CHL1: variants seen among roughly 807,000 people sequenced by gnomAD.
CHL1 encodes the protein cell adhesion molecule L1 like.
In CHL1, 96 loss-of-function variants were observed where a neutral mutation model predicts 141.9. That is an observed-to-expected ratio of 0.68 (90% CI 0.57 to 0.80). The LOEUF is 0.80. Among genes scored for constraint, CHL1 ranks in the 30% least tolerant of loss-of-function variants. The pLI, the probability that CHL1 is intolerant of heterozygous loss-of-function variation, is 0.00. For synonymous variants in CHL1, 613 were observed against 502.2 expected, an observed-to-expected ratio of 1.22 and a Z score of -2.95; for missense variants, 1,820 against 1,457.2, an observed-to-expected ratio of 1.25 and a Z score of -4.05.
Position 331,378 on chromosome 3 carries a change from G to A in CHL1, c.385+3024G>A, listed in dbSNP as rs186933289. On this transcript the variant is annotated intron_variant, in intron 5 of 27. Transcript: ENST00000256509. ...CTTCTGAGTAACTAGGACTACAGGC[G>A]AGTGCTACCGTGCCTGGCCAATTTT... Among the ~76,000 whole-genome samples, 56 of 152,104 alleles carry A rather than the reference G, an allele frequency of 3.7e-4. No homozygotes were observed. The East Asian group carries it at 5.8e-3, about 16-fold the overall frequency.
chr3:271,353 T>A lies in CHL1; in HGVS notation c.-95+26661T>A, dbSNP rs142777394. On this transcript the variant is annotated intron_variant, in intron 2 of 27. Coordinates refer to ENST00000256509, the MANE Select transcript of CHL1 (RefSeq NM_006614.4). Reference sequence around the variant, plus strand: ...ACTCAGGAGGCTGAGGCAGGAGGACTGCTTGAGCCCAGCAGTTGGAGACTG... The same window carrying A: ...ACTCAGGAGGCTGAGGCAGGAGGACAGCTTGAGCCCAGCAGTTGGAGACTG... Among the ~76,000 whole-genome samples the A allele has an allele frequency of 3.1e-3, 470 of 152,330 alleles. 2 individuals are homozygous for A. Among genetic ancestry groups the A allele is most frequent in the African/African-American group, 0.011 (450 of 41,574 alleles).
intron 27 of CHL1, among the ~76,000 whole-genome samples, chr3:404,519 T>C (rs749963329): frequency 2.6e-5 from 4 of 152,186 alleles, no homozygotes; most frequent in Non-Finnish European, 5.9e-5. Context: ...ATTTCACTAA[T>C]GGATTTGCTT....
chr3:382,350 A>G, intron 17 of CHL1, 70 bp downstream of exon 17: 4 of 1,484,708 alleles, frequency 2.7e-6, no homozygotes, highest in Non-Finnish European at 3.7e-6. Context: ...TCACTTTTTA[A>G]CCACTCTTAC....
intron 19 of CHL1, among the ~76,000 whole-genome samples, chr3:386,068 A>C (rs954780557): frequency 6.6e-6 from 1 of 152,090 alleles, no homozygotes; most frequent in Non-Finnish European, 1.5e-5. Flanking sequence ...TGTATGGATC[A>C]TCCTGCGGAA....
intron 23 of CHL1, 147 bp from the exon 24 acceptor site, chr3:394,546 T>C (rs1708508428): frequency 3.2e-6 from 2 of 620,850 alleles, no homozygotes; most frequent in African/African-American, 1.9e-5. Flanking sequence ...AGTAGTTGTA[T>C]GTACCTCATA....
At chr3:306,123 T>C (rs542607870) in intron 2 of CHL1, among the ~76,000 whole-genome samples, 1 of 152,088 alleles carries the variant, frequency 6.6e-6, no homozygotes, top group African/African-American at 2.4e-5. Context: ...ATATGAAGGG[T>C]TTAGGGATCT....
chr3:300,412 T>A (rs1457391847), intron 2 of CHL1, among the ~76,000 whole-genome samples: 2 of 152,170 alleles, frequency 1.3e-5, no homozygotes, highest in African/African-American at 4.8e-5. Flanking sequence ...GGATTTGGGT[T>A]CTGATGACTT....
At chr3:248,031 C>T (rs1299242663) in intron 2 of CHL1, 1 of 151,928 alleles carries the variant, frequency 6.6e-6, no homozygotes, top group East Asian at 1.9e-4. Context: ...CTGTTATGTT[C>T]CTTTCTTGTT....
At chr3:271,843 C>T (rs1695661240) in intron 2 of CHL1, among the ~76,000 whole-genome samples, 2 of 152,130 alleles carry the variant, frequency 1.3e-5, no homozygotes, top group South Asian at 4.1e-4. Context: ...CCATTTAATA[C>T]ACATGTGATG....
In CHL1 at chr3:371,717, T is replaced by C. The variant is rs147184842; in HGVS notation, c.1751+5602T>C. Among the ~76,000 whole-genome samples, 103 of 152,322 alleles carry C rather than the reference T, an allele frequency of 6.8e-4. 1 individual carries two copies. The highest frequency in any genetic ancestry group is 3.5e-4 in the Non-Finnish European group (24 of 68,014). ...TCATCATGTCATTGGTCTTTATATT[T>C]TGGTGTGTTTTTGCATGACTGGTTC... On this transcript the variant is annotated intron_variant, in intron 15 of 27. Transcript: ENST00000256509.
chr3:238,227 A>T (rs1692183721), intron 1 of CHL1, among the ~76,000 whole-genome samples: 1 of 152,112 alleles, frequency 6.6e-6, no homozygotes, highest in Admixed American at 6.6e-5. Context: ...TTGAATCAAG[A>T]ACTGATTCCT....
At chr3:267,916 C>T (rs1049150760) in intron 2 of CHL1, among the ~76,000 whole-genome samples, 1 of 152,228 alleles carries the variant, frequency 6.6e-6, no homozygotes, top group African/African-American at 2.4e-5. Flanking sequence ...GCCTTGATAT[C>T]GTCATTTTTA....
chr3:217,592 G>A (rs925065747), intron 1 of CHL1: 1 of 152,430 alleles, frequency 6.6e-6, no homozygotes, highest in Admixed American at 6.5e-5. Flanking sequence ...CCAGCAGAGG[G>A]GAAGCAAGTG....
intron 2 of CHL1, among the ~76,000 whole-genome samples, chr3:305,886 A>G (rs1280465499): frequency 1.3e-5 from 2 of 152,050 alleles, no homozygotes; most frequent in African/African-American, 4.8e-5. Flanking sequence ...TTAATTAAAA[A>G]TGGTACGTGA....
intron 1 of CHL1, chr3:197,818 G>A (rs1347603556): frequency 4.4e-6 from 2 of 456,282 alleles, no homozygotes; most frequent in African/African-American, 4.0e-5. Flanking sequence ...GGGGGCTGGA[G>A]ATGCCGGTCG....
At chr3:303,124 A>G (rs756373304) in intron 2 of CHL1, among the ~76,000 whole-genome samples, 21 of 152,118 alleles carry the variant, frequency 1.4e-4, no homozygotes, top group Non-Finnish European at 2.6e-4. Context: ...TACCAGTACC[A>G]TGCTGTTTTG....
At chr3:279,882 C>G (rs931431128) in intron 2 of CHL1, among the ~76,000 whole-genome samples, 1 of 152,114 alleles carries the variant, frequency 6.6e-6, no homozygotes, top group Non-Finnish European at 1.5e-5. Flanking sequence ...GATAAAATTG[C>G]ACTTGAGAAG....
chr3:390,774 A>C lies in CHL1; in HGVS notation c.2544A>C (p.Thr848=). The change falls in exon 21 of 28, where the codon ACA becomes ACC. Residue 848 remains threonine (T), a synonymous_variant. Coordinates refer to ENST00000256509, the MANE Select transcript of CHL1 (RefSeq NM_006614.4). ...CATTAGTTAAAGTTACCTGGTCAAC[A>C]GTTCCAAAGGACAGAGTACATGGAC... The part of the protein sequence containing the change: ...NSTLVKVTWS[T]VPKDRVHGRL... 1 of 1,612,486 alleles carries C rather than the reference A, an allele frequency of 6.2e-7. No individual in the cohort carries two copies. The highest frequency in any genetic ancestry group is 8.5e-7 in the Non-Finnish European group (1 of 1,178,468).
At chr3:405,400 A>G in intron 27 of CHL1, 95 bp from the exon 28 acceptor site, 1 of 825,610 alleles carries the variant, frequency 1.2e-6, no homozygotes. Context: ...AATGTCCTGA[A>G]AATTATAAAA....
Sources: allele counts gnomAD v4.1 joint callset (sites outside exome capture counted in the v4.1 genomes callset), GRCh38; gene constraint gnomAD v4.1.1; transcripts MANE v1.5; gene names NCBI Gene and HGNC (gene_info 2026-07-23, HGNC 2026-07-21).